LRRK2: variants seen among roughly 807,000 people sequenced by gnomAD.
LRRK2 encodes leucine rich repeat kinase 2.
In LRRK2, 203 loss-of-function variants were observed where a neutral mutation model predicts 302.6. That is an observed-to-expected ratio of 0.67 (90% confidence interval 0.60 to 0.75). The LOEUF is 0.75. Ranked by LOEUF, LRRK2 falls within the 30% of genes least tolerant of loss-of-function variation. The pLI, the probability that LRRK2 is intolerant of heterozygous loss-of-function variation, is 0.00. For synonymous variants in LRRK2, 1,066 were observed against 1,031.9 expected, an observed-to-expected ratio of 1.03 and a Z score of -0.63; for missense variants, 2,830 against 2,951.0, an observed-to-expected ratio of 0.96 and a Z score of 0.95.
At chr12:40,332,765 C>G (rs17466521) in intron 39 of LRRK2, among the ~76,000 whole-genome samples, 42,576 of 151,532 alleles carry the variant, frequency 0.28, 6,634 homozygotes, top group African/African-American at 0.4. Flanking sequence ...TAGGTAATTT[C>G]TTATATAAAT....
At chr12:40,298,751 G>A (rs1944478558) in intron 24 of LRRK2, among the ~76,000 whole-genome samples, 1 of 97,120 alleles carries the variant, frequency 1.0e-5, no homozygotes, top group East Asian at 2.7e-4. Context: ...CAGCCTGGGT[G>A]ACAGAGGCGA....
In LRRK2 at chr12:40,225,035, A is replaced by C; in HGVS notation, c.-97A>C. On this transcript the variant is annotated 5_prime_UTR_variant, in exon 1 of 51. Transcript: ENST00000298910. ...AGCGCTGGCTGCGGGCGGTGAGCTG[A>C]GCTCGCCCCCGGGGAGCTGTGGCCG... 6.6e-7 allele frequency: 1 copy of C among 1,521,192 alleles called. No individual in the cohort carries two copies. The allele number at this position is 1,521,192 out of a possible 1,614,324, so 94.2% of individuals were successfully genotyped here.
intron 12 of LRRK2, among the ~76,000 whole-genome samples, chr12:40,257,802 T>C (rs900107160): frequency 1.3e-5 from 2 of 152,108 alleles, no homozygotes; most frequent in African/African-American, 4.8e-5. Flanking sequence ...TCTCAATCCT[T>C]AGTTAGGGAA....
rs201036256 is a variant in LRRK2 at position 40,308,674 on chromosome 12, C to T, written c.4167C>T (p.Val1389=). The T allele has an allele frequency of 1.2e-5, 20 of 1,613,644 alleles. No homozygotes were observed. Among genetic ancestry groups the T allele is most frequent in the Admixed American group, 1.0e-4 (6 of 59,974 alleles). ...QIRDKRKRDL[V]LNVWDFAGRE... ...GAGACAAAAGAAAGAGAGATCTCGT[C>T]CTAAATGTGTGGGATTTTGCAGGTA... The change falls in exon 29 of 51, where the codon GTC becomes GTT. Residue 1389 remains valine, a synonymous_variant. Coordinates refer to ENST00000298910, the MANE Select transcript of LRRK2 (RefSeq NM_198578.4).
In LRRK2 at chr12:40,230,813, A is replaced by AT. The variant is rs200079658; in HGVS notation, c.238-1452dup. Among the ~76,000 whole-genome samples, 326 of 151,090 alleles carry AT rather than the reference A, an allele frequency of 2.2e-3. 2 individuals are homozygous for AT. Among genetic ancestry groups the AT allele is most frequent in the African/African-American group, 7.6e-3 (314 of 41,226 alleles). ...CTCCGGTTTGAAATCAGGACTTTCA[A>AT]TTTTTTTTTCAGAGGTAAAGAGCAA... On this transcript the variant is annotated intron_variant, in intron 2 of 50. Coordinates refer to ENST00000298910, the MANE Select transcript of LRRK2 (RefSeq NM_198578.4).
intron 29 of LRRK2, 61 bp from the exon 30 acceptor site, chr12:40,309,043 TAA>T: frequency 2.8e-6 from 4 of 1,432,386 alleles, no homozygotes; most frequent in Non-Finnish European, 3.9e-6. Context: ...GATTTTTTTT[TAA>T]AAAAGGATTC....
chr12:40,234,692 T>C (rs1941371527), intron 3 of LRRK2, among the ~76,000 whole-genome samples: 1 of 152,182 alleles, frequency 6.6e-6, no homozygotes, highest in Non-Finnish European at 1.5e-5. Flanking sequence ...CTTTTTAATA[T>C]ATCATTAATT....
intron 19 of LRRK2, chr12:40,286,461 A>G (rs1238732851): frequency 6.6e-6 from 1 of 152,002 alleles, no homozygotes; most frequent in East Asian, 1.9e-4. Flanking sequence ...ATACATGAGC[A>G]TACTTCACTC....
intron 38 of LRRK2, among the ~76,000 whole-genome samples, chr12:40,324,220 T>A (rs1314519669): frequency 6.6e-6 from 1 of 152,190 alleles, no homozygotes; most frequent in African/African-American, 2.4e-5. Context: ...TAAAAAAAGA[T>A]ATACTTTGTA....
intron 14 of LRRK2, among the ~76,000 whole-genome samples, chr12:40,265,733 G>A (rs1484662259): frequency 6.6e-6 from 1 of 152,018 alleles, no homozygotes; most frequent in Admixed American, 6.6e-5. Context: ...TGCTCCCCAC[G>A]CTACCTGACT....
chr12:40,363,443 T>C lies in LRRK2; in HGVS notation c.7070T>C (p.Val2357Ala), dbSNP rs776691033. The C allele has an allele frequency of 1.4e-5, 23 of 1,612,034 alleles. No homozygotes were observed. The highest frequency in any genetic ancestry group is 3.3e-4 in the Middle Eastern group (2 of 6,044). Residue 2357 changes from valine to alanine, a missense_variant, in exon 48 of 51, where the codon GTG becomes GCG. Around this residue, in one of 3 missense-constraint regions of LRRK2, gnomAD observed 456 missense variants for 456.3 expected, o/e 1.00. Coordinates refer to ENST00000298910, the MANE Select transcript of LRRK2 (RefSeq NM_198578.4). The stretch of plus-strand genomic sequence containing the variant: ...TTCAGTGATTCCAACATCATAACAG[T>C]GGTGGTAGACACTGCTCTCTATATT... ...AAFSDSNIITVVVDTALYIAK... is the reference protein window; with the variant it reads ...AAFSDSNIITAVVDTALYIAK...
At chr12:40,287,306 C>T in intron 19 of LRRK2, 45 bp from the exon 20 acceptor site, 1 of 1,557,120 alleles carries the variant, frequency 6.4e-7, no homozygotes, top group Non-Finnish European at 8.8e-7. Flanking sequence ...TTTATTTTTG[C>T]ATAATTGTTG....
In LRRK2 at chr12:40,334,972, TGTG is replaced by T. The variant is rs756000669; in HGVS notation, c.5767_5769del (p.Val1923del). ...ATGATTTTGGACTTTTGCAGGAGCT[TGTG>T]GTGCTTTGCCACCTCCACCACCCCA... On this transcript the variant is annotated inframe_deletion, in exon 40 of 51. Coordinates refer to ENST00000298910, the MANE Select transcript of LRRK2 (RefSeq NM_198578.4). The T allele has an allele frequency of 6.2e-7, 1 of 1,613,942 alleles. No individual in the cohort carries two copies. Among genetic ancestry groups the T allele is most frequent in the South Asian group, 1.1e-5 (1 of 91,068 alleles).
intron 12 of LRRK2, 88 bp downstream of exon 12, chr12:40,257,465 A>G (rs1942571217): frequency 2.7e-6 from 4 of 1,487,300 alleles, no homozygotes; most frequent in Non-Finnish European, 3.7e-6. Context: ...AACAATGAAA[A>G]GAAAAAGAAA....
chr12:40,240,759 T>C, intron 6 of LRRK2, 142 bp downstream of exon 6: 4 of 912,768 alleles, frequency 4.4e-6, no homozygotes, highest in Non-Finnish European at 6.7e-6. Context: ...ATTTAATTAA[T>C]TTACATTCAC....
rs144754773 is a variant in LRRK2, at chr12:40,310,586, C to A, written c.4473C>A (p.Thr1491=). ...GAGATTACCACTTTGTGAATGCCAC[C>A]GAGGAATCTGATGCTTTGGCAAAAC... The part of the protein sequence containing the change: ...AIRDYHFVNA[T]EESDALAKLR... The change falls in exon 31 of 51, where the codon ACC becomes ACA. Residue 1491 remains threonine (T), a synonymous_variant. Transcript: ENST00000298910. 6.2e-7 allele frequency: 1 copy of A among 1,611,790 alleles called. No homozygotes were observed. Among genetic ancestry groups the A allele is most frequent in the African/African-American group, 1.3e-5 (1 of 74,186 alleles).
intron 38 of LRRK2, among the ~76,000 whole-genome samples, chr12:40,325,966 C>G (rs1302073677): frequency 6.6e-6 from 1 of 152,086 alleles, no homozygotes; most frequent in African/African-American, 2.4e-5. Context: ...TTCTGGAGAG[C>G]CAAGACAGGT....
Position 40,275,032 on chromosome 12 carries a change from C to T in LRRK2, c.1941+39C>T, listed in dbSNP as rs72546317. 5.3e-3 allele frequency: 8,522 copies of T among 1,611,502 alleles called. 37 individuals are homozygous for T. Among genetic ancestry groups the T allele is most frequent in the Non-Finnish European group, 5.9e-3 (6,966 of 1,178,456 alleles). ...CTTGGAAAGAATTTGGGAACTTGTG[C>T]GAATTTCACTTTTGGAGCAGTTTGT... is the stretch of plus-strand genomic sequence containing the variant. On this transcript the variant is annotated intron_variant, in intron 16 of 50. Transcript: ENST00000298910.
chr12:40,304,011 A>G lies in LRRK2; in HGVS notation c.3654A>G (p.Lys1218=). The change falls in exon 27 of 51, where the codon AAA becomes AAG. Residue 1218 remains lysine (K), a synonymous_variant. Transcript: ENST00000298910. ...ACCTACCAGGTCCCGCACACTGGAA[A>G]TCTTTGAACTTAAGGGAACTCTTAT... ...IQYLPGPAHW[K]SLNLRELLFS... 6.2e-7 allele frequency: 1 copy of G among 1,613,768 alleles called. No individual in the cohort carries two copies. The highest frequency in any genetic ancestry group is 8.5e-7 in the Non-Finnish European group (1 of 1,179,780).
Sources: gnomAD v4.1 joint callset for allele counts (sites outside exome capture counted in the v4.1 genomes callset) on GRCh38, gnomAD v4.1.1 for gene constraint, gnomAD v4.1.1 regional missense constraint, MANE v1.5 for transcripts, NCBI Gene and HGNC (gene_info 2026-07-23, HGNC 2026-07-21) for gene names.